MTUS2: variants seen among roughly 807,000 people sequenced by gnomAD.
MTUS2 encodes microtubule-associated tumor suppressor candidate 2.
Under a neutral mutation model 114.1 loss-of-function variants are expected in MTUS2, and 40 were observed. The ratio of observed to expected loss-of-function variants is 0.35; its 90% CI spans 0.27 to 0.46. The LOEUF is 0.46. Among genes scored for constraint, MTUS2 ranks in the 20% least tolerant of loss-of-function variants. The pLI, the probability that MTUS2 is intolerant of heterozygous loss-of-function variation, is 1.00. For missense variants in MTUS2, 1,679 were observed against 1,705.4 expected, an observed-to-expected ratio of 0.98 and a Z score of 0.27; for synonymous variants, 688 against 672.0, an observed-to-expected ratio of 1.02 and a Z score of -0.37.
intron 4 of MTUS2, among the ~76,000 whole-genome samples, chr13:29,090,008 G>C (rs1039290309): frequency 6.6e-6 from 1 of 152,142 alleles, no homozygotes; most frequent in African/African-American, 2.4e-5. Flanking sequence ...AAGACACTCT[G>C]GCTTTTATGG....
chr13:28,946,304 T>TGCGC (rs76454431), intron 2 of MTUS2, among the ~76,000 whole-genome samples: 1 of 150,216 alleles, frequency 6.7e-6, no homozygotes. Flanking sequence ...TGTGTGTGTG[T>TGCGC]GCGCGCGCAC....
chr13:29,147,680 A>G (rs1892493392), intron 5 of MTUS2, among the ~76,000 whole-genome samples: 1 of 152,182 alleles, frequency 6.6e-6, no homozygotes, highest in Admixed American at 6.5e-5. Context: ...TAAAGTGGGA[A>G]CATGCAGTAT....
intron 5 of MTUS2, among the ~76,000 whole-genome samples, chr13:29,159,604 C>G (rs181981690): frequency 5.3e-4 from 81 of 151,926 alleles, no homozygotes; most frequent in African/African-American, 1.9e-3. Flanking sequence ...AACCACATAT[C>G]TGACAAAGGA....
intron 5 of MTUS2, among the ~76,000 whole-genome samples, chr13:29,238,348 A>G (rs954406302): frequency 6.6e-6 from 1 of 152,216 alleles, no homozygotes; most frequent in Admixed American, 6.5e-5. Context: ...TCACACCATC[A>G]CAAGGTGAAG....
At chr13:29,013,332 C>T (rs902799747) in intron 2 of MTUS2, among the ~76,000 whole-genome samples, 1 of 151,718 alleles carries the variant, frequency 6.6e-6, no homozygotes, top group African/African-American at 2.4e-5. Flanking sequence ...AATTTGTCAC[C>T]GACTCTTGGT....
chr13:28,981,514 T>C (rs1055790472), intron 2 of MTUS2, among the ~76,000 whole-genome samples: 6 of 152,180 alleles, frequency 3.9e-5, no homozygotes, highest in African/African-American at 1.4e-4. Flanking sequence ...TCAGAACTCA[T>C]AGAAGTATAC....
chr13:28,903,532 G>T (rs1321415186), intron 2 of MTUS2, among the ~76,000 whole-genome samples: 1 of 149,964 alleles, frequency 6.7e-6, no homozygotes, highest in East Asian at 2.0e-4. Flanking sequence ...TTTGTGCTTG[G>T]GATAGTTTGC....
At chr13:29,487,730 C>T (rs927800860) in intron 10 of MTUS2, 170 bp from the exon 11 acceptor site, 32 of 626,912 alleles carry the variant, frequency 5.1e-5, no homozygotes, top group African/African-American at 3.8e-4. Context: ...GTGACCTCCC[C>T]GTGATTCCGA....
chr13:28,888,372 T>G (rs1878713595), intron 2 of MTUS2, among the ~76,000 whole-genome samples: 1 of 151,090 alleles, frequency 6.6e-6, no homozygotes, highest in South Asian at 2.1e-4. Context: ...AGAATGAGAA[T>G]ATATCAGATG....
intron 4 of MTUS2, among the ~76,000 whole-genome samples, chr13:29,048,874 C>G (rs930904049): frequency 3.3e-5 from 5 of 152,188 alleles, no homozygotes; most frequent in African/African-American, 1.2e-4. Context: ...CCTCAGCCTC[C>G]CAAAGTGCTG....
At chr13:29,003,905 A>G (rs1455096406) in intron 2 of MTUS2, among the ~76,000 whole-genome samples, 1 of 152,166 alleles carries the variant, frequency 6.6e-6, no homozygotes, top group Non-Finnish European at 1.5e-5. Context: ...TAGTCTCACC[A>G]TCATCATAGT....
rs80355254 is a variant in MTUS2 at position 29,092,701 on chromosome 13, C to T, written c.2447-8072C>T. On this transcript the variant is annotated intron_variant, in intron 4 of 15. Coordinates refer to ENST00000612955, the MANE Select transcript of MTUS2 (RefSeq NM_001033602.4). ...TGGATGGGGCACCTTCTGCAACAGGCCCAGGGCCAAGTGAGGCCCTGGGCA... is the reference window on the plus strand; with the variant it reads ...TGGATGGGGCACCTTCTGCAACAGGTCCAGGGCCAAGTGAGGCCCTGGGCA... Among the ~76,000 whole-genome samples, 3,699 of 152,150 alleles carry T rather than the reference C, an allele frequency of 0.024. 268 individuals carry two copies. The East Asian group carries it at 0.27, about 11-fold the overall frequency.
At chr13:29,296,078 T>C (rs1163957840) in intron 6 of MTUS2, among the ~76,000 whole-genome samples, 2 of 152,218 alleles carry the variant, frequency 1.3e-5, no homozygotes, top group Non-Finnish European at 1.5e-5. Flanking sequence ...CTGTTGTGAC[T>C]GGTACTGCTG....
At position 29,231,371 on chromosome 13, in the gene MTUS2, A is replaced by G. The variant is rs149132508; in HGVS notation, c.2645-50333A>G. 1.3e-3 allele frequency among the ~76,000 whole-genome samples: 199 copies of G among 152,316 alleles called. 1 individual carries two copies. Among genetic ancestry groups the G allele is most frequent in the African/African-American group, 4.5e-3 (189 of 41,578 alleles). On this transcript the variant is annotated intron_variant, in intron 5 of 15. Transcript: ENST00000612955. ...TCCTGCTGCTGTCTGTTTCATCGGCACCATGTCCACCATTTCTTCGGTCAC... is the reference window on the plus strand; with the variant it reads ...TCCTGCTGCTGTCTGTTTCATCGGCGCCATGTCCACCATTTCTTCGGTCAC...
intron 4 of MTUS2, among the ~76,000 whole-genome samples, chr13:29,077,147 G>A (rs1256171752): frequency 6.6e-6 from 1 of 152,100 alleles, no homozygotes; most frequent in Non-Finnish European, 1.5e-5. Context: ...CTCTTGCTTT[G>A]TTTAATTGTG....
At chr13:28,831,506 T>C (rs1593229713) in intron 1 of MTUS2, among the ~76,000 whole-genome samples, 2 of 151,674 alleles carry the variant, frequency 1.3e-5, no homozygotes, top group Non-Finnish European at 2.9e-5. Flanking sequence ...TATACCGATA[T>C]GAAGTGAAAC....
intron 6 of MTUS2, among the ~76,000 whole-genome samples, chr13:29,304,883 C>G (rs1308283869): frequency 6.6e-6 from 1 of 151,994 alleles, no homozygotes; most frequent in East Asian, 1.9e-4. Context: ...ATCACATAAT[C>G]AGAAGTAAAA....
chr13:28,888,376 T>C lies in MTUS2; in HGVS notation c.-243+48526T>C, dbSNP rs147166776. ...ATGCCTCATACAGAATGAGAATATA[T>C]CAGATGGAGAAGACCCCATCTATCT... On this transcript the variant is annotated intron_variant, in intron 2 of 15. Transcript: ENST00000612955. Among the ~76,000 whole-genome samples the C allele has an allele frequency of 9.8e-4, 148 of 151,026 alleles. 1 individual carries two copies. The highest frequency in any genetic ancestry group is 3.5e-3 in the African/African-American group (144 of 41,182).
At chr13:29,501,382 C>T (rs886727232) in intron 15 of MTUS2, among the ~76,000 whole-genome samples, 188 bp downstream of exon 15, 1 of 152,166 alleles carries the variant, frequency 6.6e-6, no homozygotes, top group African/African-American at 2.4e-5. Context: ...TATCAACGGG[C>T]CCCACCTTGA....
Sources: allele counts gnomAD v4.1 joint callset (sites outside exome capture counted in the v4.1 genomes callset), GRCh38; gene constraint gnomAD v4.1.1; transcripts MANE v1.5; gene names NCBI Gene and HGNC (gene_info 2026-07-23, HGNC 2026-07-21).